The following RUNX1 variants were observed in gnomAD, a reference collection of about 807,000 sequenced individuals.
RUNX1 encodes RUNX family transcription factor 1, also known as runt-related transcription factor 1.
In RUNX1, 19 loss-of-function variants were observed where a neutral mutation model predicts 42.8. That is an observed-to-expected ratio of 0.44 (90% CI 0.31 to 0.65). The LOEUF is 0.65. Among genes scored for constraint, RUNX1 ranks in the 30% least tolerant of loss-of-function variants. The pLI, the probability that RUNX1 is intolerant of heterozygous loss-of-function variation, is 0.07. For missense variants in RUNX1, 528 were observed against 672.0 expected, an observed-to-expected ratio of 0.79 and a Z score of 2.37; for synonymous variants, 271 against 289.4, an observed-to-expected ratio of 0.94 and a Z score of 0.64.
intron 6 of RUNX1, among the ~76,000 whole-genome samples, chr21:34,840,017 G>A (rs1873007510): frequency 6.6e-6 from 1 of 152,170 alleles, no homozygotes; most frequent in Non-Finnish European, 1.5e-5. Flanking sequence ...AGCTGAAAAT[G>A]CCCAAACTCT....
intron 2 of RUNX1, among the ~76,000 whole-genome samples, chr21:34,930,270 G>GTGTATGTGTATATATATATATATA (rs372412304): frequency 3.3e-5 from 4 of 123,004 alleles, no homozygotes; most frequent in African/African-American, 1.5e-4. Flanking sequence ...GTGTGTGTAT[G>GTGTATGTGTATATATATATATATA]TATATATATA....
intron 7 of RUNX1, among the ~76,000 whole-genome samples, chr21:34,804,914 C>CT (rs907688435): frequency 3.2e-3 from 485 of 150,582 alleles, no homozygotes; most frequent in African/African-American, 0.011. Flanking sequence ...GCTATTTTTT[C>CT]TTTTTTTTTG....
At chr21:34,970,181 G>A (rs1180841273) in intron 2 of RUNX1, among the ~76,000 whole-genome samples, 1 of 152,178 alleles carries the variant, frequency 6.6e-6, no homozygotes, top group Non-Finnish European at 1.5e-5. Context: ...GCTTTAGAAA[G>A]GTCTCTTTTC....
intron 5 of RUNX1, among the ~76,000 whole-genome samples, chr21:34,863,607 T>A (rs570523524): frequency 5.7e-5 from 8 of 140,670 alleles, no homozygotes; most frequent in East Asian, 4.1e-4. Flanking sequence ...TGGGCTGGAG[T>A]GCAATGGCGT....
chr21:34,893,440 T>C (rs1272138561), intron 2 of RUNX1, among the ~76,000 whole-genome samples: 2 of 152,184 alleles, frequency 1.3e-5, no homozygotes, highest in African/African-American at 4.8e-5. Context: ...AGGTAAATTA[T>C]TTACATCGAA....
chr21:34,953,706 G>T (rs1311193117), intron 2 of RUNX1, among the ~76,000 whole-genome samples: 1 of 152,182 alleles, frequency 6.6e-6, no homozygotes, highest in Non-Finnish European at 1.5e-5. Context: ...AGGAAAGCTG[G>T]AAAAGATATA....
intron 5 of RUNX1, among the ~76,000 whole-genome samples, chr21:34,871,610 G>A (rs80337581): frequency 2.6e-5 from 4 of 152,090 alleles, no homozygotes; most frequent in South Asian, 2.1e-4. Flanking sequence ...GTAAAAACCG[G>A]TGATGGCAAA....
At chr21:34,993,370 C>T (rs1039955649) in intron 2 of RUNX1, among the ~76,000 whole-genome samples, 1 of 152,078 alleles carries the variant, frequency 6.6e-6, no homozygotes, top group African/African-American at 2.4e-5. Flanking sequence ...GTTCTAGGGG[C>T]AAACAAAACT....
chr21:34,841,420 A>G (rs888404303), intron 6 of RUNX1, among the ~76,000 whole-genome samples: 2 of 152,156 alleles, frequency 1.3e-5, no homozygotes, highest in African/African-American at 2.4e-5. Flanking sequence ...ACAGGAAAGC[A>G]AGCACTCACT....
chr21:34,959,057 G>T (rs1346721548), intron 2 of RUNX1, among the ~76,000 whole-genome samples: 3 of 151,362 alleles, frequency 2.0e-5, no homozygotes, highest in East Asian at 3.9e-4. Context: ...TTGTGGGGTG[G>T]GGGGAGTGGG....
rs183667848 is a variant in RUNX1 at position 34,884,400 on chromosome 21, A to G, written c.351+2443T>C. Among the ~76,000 whole-genome samples the G allele has an allele frequency of 2.8e-4, 42 of 152,350 alleles. No homozygotes were observed. In the East Asian group the frequency reaches 7.9e-3, roughly 29 times the overall value. On this transcript the variant is annotated intron_variant, in intron 4 of 8. Transcript: ENST00000675419. ...CAGTGATCTTTTCATCAATATCATC[A>G]GGCCTTATCATTGTTTCACATTTGC...
intron 6 of RUNX1, among the ~76,000 whole-genome samples, chr21:34,854,356 A>C (rs2057466933): frequency 6.6e-6 from 1 of 152,208 alleles, no homozygotes; most frequent in South Asian, 2.1e-4. Context: ...AGACAGAAAG[A>C]AAGCTAGTGC....
intron 2 of RUNX1, among the ~76,000 whole-genome samples, chr21:34,952,943 G>A (rs758196733): frequency 6.6e-6 from 1 of 152,252 alleles, no homozygotes; most frequent in Middle Eastern, 3.4e-3. Context: ...GCATCTAATC[G>A]CAAGGCTTGC....
intron 2 of RUNX1, chr21:35,038,809 C>A: frequency 2.2e-6 from 1 of 451,160 alleles, no homozygotes. Context: ...CCTTCCAGAG[C>A]TGAAGCCTGG....
intron 2 of RUNX1, among the ~76,000 whole-genome samples, chr21:35,033,762 T>A (rs529041168): frequency 3.9e-5 from 6 of 152,334 alleles, no homozygotes; most frequent in Middle Eastern, 3.4e-3. Context: ...TTGAAATCTA[T>A]CATTATCTTG....
At chr21:34,963,617 G>A (rs2058696840) in intron 2 of RUNX1, among the ~76,000 whole-genome samples, 1 of 151,198 alleles carries the variant, frequency 6.6e-6, no homozygotes, top group Non-Finnish European at 1.5e-5. Flanking sequence ...AGCCAAGGGT[G>A]GCCTTTGATT....
In RUNX1 at chr21:34,874,968, C is replaced by T. The variant is rs532585473; in HGVS notation, c.508+5589G>A. ...AGAAATGCCTCCACCAAACACAAGCCGGCTGGCAAGGAAGGGGTTGAGGGT... is the reference window on the plus strand; with the variant it reads ...AGAAATGCCTCCACCAAACACAAGCTGGCTGGCAAGGAAGGGGTTGAGGGT... On this transcript the variant is annotated intron_variant, in intron 5 of 8. Transcript: ENST00000675419. 5.9e-5 allele frequency among the ~76,000 whole-genome samples: 9 copies of T among 152,278 alleles called. No homozygotes were observed. The South Asian group carries it at 6.2e-4, about 11-fold the overall frequency.
chr21:34,883,752 A>G (rs911027755), intron 4 of RUNX1, among the ~76,000 whole-genome samples: 1 of 152,206 alleles, frequency 6.6e-6, no homozygotes, highest in African/African-American at 2.4e-5. Flanking sequence ...GTTCTTGGCT[A>G]GCCTGTTCAC....
intron 2 of RUNX1, among the ~76,000 whole-genome samples, chr21:34,910,264 C>T (rs2058261572): frequency 6.6e-6 from 1 of 152,200 alleles, no homozygotes; most frequent in African/African-American, 2.4e-5. Context: ...TCCAACTTCT[C>T]TTGCTTTCTC....
Sources: allele counts gnomAD v4.1 joint callset (sites outside exome capture counted in the v4.1 genomes callset), GRCh38; gene constraint gnomAD v4.1.1; transcripts MANE v1.5; gene names NCBI Gene and HGNC (gene_info 2026-07-23, HGNC 2026-07-21).